SH3GL2: variants seen among roughly 807,000 people sequenced by gnomAD.
The protein encoded by SH3GL2 is endophilin-A1.
SH3GL2 carries 24 observed loss-of-function variants against 46.0 expected under a neutral mutation model. The observed-to-expected ratio is 0.52, with a 90% CI of 0.38 to 0.73. The LOEUF is 0.73. Ranked by LOEUF, SH3GL2 falls within the 30% of genes least tolerant of loss-of-function variation. The pLI is 0.00. For synonymous variants in SH3GL2, 196 were observed against 147.1 expected (o/e 1.33, Z -2.40); for missense variants, 413 against 424.2 (o/e 0.97, Z 0.23).
At chr9:17,623,250 T>TA (rs1351252650) in intron 1 of SH3GL2, among the ~76,000 whole-genome samples, 1 of 152,038 alleles carries the variant, frequency 6.6e-6, no homozygotes, top group Admixed American at 6.6e-5. Flanking sequence ...GTCCCTACGA[T>TA]ACGTCTGAAT....
At chr9:17,746,373 G>T (rs1013957481) in intron 1 of SH3GL2, among the ~76,000 whole-genome samples, 8 of 152,184 alleles carry the variant, frequency 5.3e-5, no homozygotes, top group African/African-American at 1.7e-4. Flanking sequence ...ACTGCGCCCG[G>T]CCCTAATTTT....
At chr9:17,666,799 GGTAAAT>G (rs1359440098) in intron 1 of SH3GL2, among the ~76,000 whole-genome samples, 1 of 152,004 alleles carries the variant, frequency 6.6e-6, no homozygotes, top group Non-Finnish European at 1.5e-5. Flanking sequence ...TAGATCAAAA[GGTAAAT>G]GTAAGTACTT....
At chr9:17,733,908 G>A (rs1221262517) in intron 1 of SH3GL2, among the ~76,000 whole-genome samples, 1 of 151,844 alleles carries the variant, frequency 6.6e-6, no homozygotes, top group Non-Finnish European at 1.5e-5. Context: ...ACTGATAGGT[G>A]GGAATTGAAC....
intron 3 of SH3GL2, among the ~76,000 whole-genome samples, chr9:17,769,338 A>G (rs555098899): frequency 6.6e-6 from 1 of 150,582 alleles, no homozygotes; most frequent in Admixed American, 6.6e-5. Flanking sequence ...CATAATATTT[A>G]CTTTATGCAA....
At chr9:17,738,641 T>TATATATATATATATATATAGAGAGAGAG (rs376280314) in intron 1 of SH3GL2, among the ~76,000 whole-genome samples, 1 of 88,878 alleles carries the variant, frequency 1.1e-5, no homozygotes, top group Non-Finnish European at 2.3e-5. Flanking sequence ...TATATATATA[T>TATATATATATATATATATAGAGAGAGAG]AGAGAGAGAG....
chr9:17,670,159 C>T (rs1327418050), intron 1 of SH3GL2, among the ~76,000 whole-genome samples: 2 of 152,080 alleles, frequency 1.3e-5, no homozygotes, highest in Admixed American at 6.6e-5. Flanking sequence ...TGTGCATGTG[C>T]TCAAAAAGGG....
intron 1 of SH3GL2, among the ~76,000 whole-genome samples, chr9:17,626,241 G>A (rs1225504658): frequency 6.6e-6 from 1 of 152,220 alleles, no homozygotes; most frequent in African/African-American, 2.4e-5. Flanking sequence ...TATGTCAAGG[G>A]GATATGAGCC....
chr9:17,728,567 G>C (rs535573196), intron 1 of SH3GL2, among the ~76,000 whole-genome samples: 1 of 152,232 alleles, frequency 6.6e-6, no homozygotes, highest in East Asian at 1.9e-4. Flanking sequence ...ATGGTGGTCT[G>C]CTGCACCCAT....
At chr9:17,788,992 C>G (rs1302917270) in intron 5 of SH3GL2, among the ~76,000 whole-genome samples, 1 of 152,212 alleles carries the variant, frequency 6.6e-6, no homozygotes, top group South Asian at 2.1e-4. Context: ...CCTCTGGCTT[C>G]TCATGAGATA....
rs1588335603 is a variant in SH3GL2, at chr9:17,786,306, C to G, written c.188-75C>G. ...GCTACTTTGTAGGCTGCTCTGAGAC[C>G]TGATCCTCCATCCAGCCCTATTTCC... On this transcript the variant is annotated intron_variant, in intron 3 of 8. Transcript: ENST00000380607. 4.2e-6 allele frequency: 6 copies of G among 1,412,836 alleles called. No homozygotes were observed. In the East Asian group the frequency reaches 1.4e-4, roughly 33 times the overall value. 87.5% of individuals were successfully genotyped at this position (1,412,836 alleles called of 1,614,324 possible).
intron 1 of SH3GL2, among the ~76,000 whole-genome samples, chr9:17,739,373 C>T (rs1822456866): frequency 6.7e-6 from 1 of 149,994 alleles, no homozygotes; most frequent in Non-Finnish European, 1.5e-5. Flanking sequence ...ATTCGAAAAA[C>T]TACTACATGT....
At chr9:17,726,338 T>C (rs2118378803) in intron 1 of SH3GL2, among the ~76,000 whole-genome samples, 1 of 152,324 alleles carries the variant, frequency 6.6e-6, no homozygotes, top group East Asian at 1.9e-4. Context: ...TTGTGTTCCC[T>C]GTCTCCAGTA....
intron 1 of SH3GL2, among the ~76,000 whole-genome samples, chr9:17,700,566 AT>A (rs1279859017): frequency 2.0e-5 from 3 of 152,092 alleles, no homozygotes; most frequent in Non-Finnish European, 2.9e-5. Flanking sequence ...TTATTTTCTT[AT>A]CTTTTGTTCT....
intron 1 of SH3GL2, among the ~76,000 whole-genome samples, chr9:17,699,517 A>T (rs937975098): frequency 6.6e-6 from 1 of 152,156 alleles, no homozygotes; most frequent in Non-Finnish European, 1.5e-5. Flanking sequence ...TTTCGCTGAA[A>T]TCTGCTTTCA....
At chr9:17,639,046 T>C (rs1284335222) in intron 1 of SH3GL2, among the ~76,000 whole-genome samples, 1 of 152,230 alleles carries the variant, frequency 6.6e-6, no homozygotes, top group African/African-American at 2.4e-5. Flanking sequence ...CCAAGTGTAA[T>C]GTATGTAACA....
At chr9:17,733,869 A>G (rs1822252309) in intron 1 of SH3GL2, among the ~76,000 whole-genome samples, 1 of 137,554 alleles carries the variant, frequency 7.3e-6, no homozygotes, top group Non-Finnish European at 1.6e-5. Context: ...CTATCGCAAG[A>G]ACAAAAAAAC....
chr9:17,636,263 G>C (rs553791250), intron 1 of SH3GL2, among the ~76,000 whole-genome samples: 1 of 152,092 alleles, frequency 6.6e-6, no homozygotes, highest in Non-Finnish European at 1.5e-5. Flanking sequence ...CACAGAACTT[G>C]CCACTGTGGG....
chr9:17,771,917 T>C (rs1234069190), intron 3 of SH3GL2, among the ~76,000 whole-genome samples: 1 of 152,166 alleles, frequency 6.6e-6, no homozygotes, highest in East Asian at 1.9e-4. Context: ...ATCTTCCTCT[T>C]CCCTTTTCTC....
intron 1 of SH3GL2, among the ~76,000 whole-genome samples, chr9:17,674,994 C>A (rs922840294): frequency 6.6e-6 from 1 of 152,096 alleles, no homozygotes; most frequent in Non-Finnish European, 1.5e-5. Context: ...GGTTACATTG[C>A]CAAGGGGTGT....
Sources: allele counts gnomAD v4.1 joint callset (sites outside exome capture counted in the v4.1 genomes callset), GRCh38; gene constraint gnomAD v4.1.1; transcripts MANE v1.5; gene names NCBI Gene and HGNC (gene_info 2026-07-23, HGNC 2026-07-21).